The following ARHGAP5 variants were observed in gnomAD, a reference collection of about 807,000 sequenced individuals.
ARHGAP5 encodes rho GTPase-activating protein 5.
In ARHGAP5, 23 loss-of-function variants were observed where a neutral mutation model predicts 116.6. The ratio of observed to expected loss-of-function variants is 0.20; its 90% confidence interval spans 0.14 to 0.28. ARHGAP5 has a LOEUF of 0.28. Ranked by LOEUF, ARHGAP5 falls within the 10% of genes least tolerant of loss-of-function variation. The pLI, the probability that ARHGAP5 is intolerant of heterozygous loss-of-function variation, is 1.00. For missense variants in ARHGAP5, 1,405 were observed against 1,774.8 expected (o/e 0.79, Z 3.74); for synonymous variants, 574 against 602.0 (o/e 0.95, Z 0.68).
chr14:32,096,443 C>G (rs1158996306), intron 2 of ARHGAP5, among the ~76,000 whole-genome samples: 3 of 152,024 alleles, frequency 2.0e-5, no homozygotes, highest in Admixed American at 6.5e-5. Flanking sequence ...AGACAAACCT[C>G]TGGTAATAGT....
At chr14:32,127,130 T>C (rs1056776856) in intron 3 of ARHGAP5, among the ~76,000 whole-genome samples, 17 of 151,920 alleles carry the variant, frequency 1.1e-4, no homozygotes, top group African/African-American at 4.1e-4. Context: ...CCCAAGTAGC[T>C]GGGACCACAG....
Position 32,093,242 on chromosome 14 carries a change from A to T in ARHGAP5, c.2573A>T (p.Lys858Ile), listed in dbSNP as rs1239145458. Residue 858 changes from lysine to isoleucine, a missense_variant, in exon 2 of 7, where the codon AAA (lysine) becomes ATA (isoleucine). Around this residue, in one of 6 missense-constraint regions of ARHGAP5, gnomAD observed 944 missense variants for 1,095.3 expected, o/e 0.86. Coordinates refer to ENST00000345122, the MANE Select transcript of ARHGAP5 (RefSeq NM_001030055.2). ...VHGYILVYSAKRKASMGMLRA... is the reference protein window; with the variant it reads ...VHGYILVYSAIRKASMGMLRA... ...GGGTATATATTAGTTTACTCTGCAAAACGGAAAGCTTCGATGGGAATGCTT... is the reference window on the plus strand; with the variant it reads ...GGGTATATATTAGTTTACTCTGCAATACGGAAAGCTTCGATGGGAATGCTT... 1 of 1,613,854 alleles carries T rather than the reference A, an allele frequency of 6.2e-7. No individual in the cohort carries two copies. Among genetic ancestry groups the T allele is most frequent in the Admixed American group, 1.7e-5 (1 of 59,990 alleles).
chr14:32,092,416 C>T lies in ARHGAP5; in HGVS notation c.1747C>T (p.Arg583Cys), dbSNP rs146911446. The T allele has an allele frequency of 1.4e-5, 22 of 1,613,366 alleles. No homozygotes were observed. Among genetic ancestry groups the T allele is most frequent in the South Asian group, 1.1e-4 (10 of 90,952 alleles). Residue 583 changes from arginine to cysteine, a missense_variant, in exon 2 of 7, where the codon CGC becomes TGC. Physicochemically the swap from Arg to Cys is radical, Grantham distance 180. Around this residue, in one of 6 missense-constraint regions of ARHGAP5, gnomAD observed 944 missense variants for 1,095.3 expected, o/e 0.86. Coordinates refer to ENST00000345122, the MANE Select transcript of ARHGAP5 (RefSeq NM_001030055.2). This position sits in a 1 kb window ranked among gnomAD's most constrained non-coding sequence, Gnocchi z 4.1. ...ASSLLQLDHG[R>C]LRLYHDSTNI... ...TAGTCTTTTACAGTTGGATCATGGC[C>T]GCTTAAGATTATATCACGATAGTAC...
Position 32,093,864 on chromosome 14 carries a change from T to C in ARHGAP5, c.3195T>C (p.Gly1065=). The change falls in exon 2 of 7, where the codon GGT becomes GGC. Residue 1065 remains glycine, a synonymous_variant. Coordinates refer to ENST00000345122, the MANE Select transcript of ARHGAP5 (RefSeq NM_001030055.2). ...DPNLLKTIEA[G]IGKNPRKQTS... is the part of the protein sequence containing the mutation. The stretch of plus-strand genomic sequence containing the variant: ...ACCTTTTAAAAACAATTGAAGCTGG[T>C]ATTGGTAAAAATCCAAGAAAGCAGA... The C allele has an allele frequency of 1.9e-6, 3 of 1,614,024 alleles. No individual in the cohort carries two copies. Among genetic ancestry groups the C allele is most frequent in the Non-Finnish European group, 2.5e-6 (3 of 1,179,986 alleles).
chr14:32,086,957 T>C (rs932916627), intron 1 of ARHGAP5, among the ~76,000 whole-genome samples: 1 of 152,174 alleles, frequency 6.6e-6, no homozygotes, highest in Non-Finnish European at 1.5e-5. Flanking sequence ...TCTAACCTTA[T>C]AATTTCTAGT....
At chr14:32,121,124 C>T (rs1007038862) in intron 3 of ARHGAP5, among the ~76,000 whole-genome samples, 1 of 146,944 alleles carries the variant, frequency 6.8e-6, no homozygotes, top group Non-Finnish European at 1.5e-5. Context: ...CTCAGGCAAT[C>T]CTCCCACCTC....
intron 2 of ARHGAP5, among the ~76,000 whole-genome samples, chr14:32,115,903 G>C (rs1267637153): frequency 1.1e-4 from 16 of 151,806 alleles, no homozygotes. Flanking sequence ...GCTGAGGCAG[G>C]AGACTTGCTT....
In ARHGAP5 at chr14:32,091,702, G is replaced by T. The variant is rs763846928; in HGVS notation, c.1033G>T (p.Ala345Ser). Residue 345 changes from alanine (A) to serine (S), a missense_variant, in exon 2 of 7, where the codon GCT becomes TCT. Physicochemically the swap from Ala to Ser is moderately conservative, Grantham distance 99 (BLOSUM62 1). Coordinates refer to ENST00000345122, the MANE Select transcript of ARHGAP5 (RefSeq NM_001030055.2). ...AGAGTATATAAATACTTTACCAAGAGCTTTTAACACTCTTTTGCCAAATCT... is the reference window on the plus strand; with the variant it reads ...AGAGTATATAAATACTTTACCAAGATCTTTTAACACTCTTTTGCCAAATCT... Reference protein sequence around the residue: ...REEYINTLPRAFNTLLPNLEE... With the variant: ...REEYINTLPRSFNTLLPNLEE... 12 of 1,610,620 alleles carry T rather than the reference G, an allele frequency of 7.5e-6. No individual in the cohort carries two copies. The South Asian group carries it at 1.3e-4, about 18-fold the overall frequency.
At chr14:32,145,283 T>C (rs1318606386) in intron 3 of ARHGAP5, among the ~76,000 whole-genome samples, 1 of 152,200 alleles carries the variant, frequency 6.6e-6, no homozygotes, top group Non-Finnish European at 1.5e-5. Context: ...GAACTCCTTG[T>C]TACTGATTGG....
intron 6 of ARHGAP5, among the ~76,000 whole-genome samples, chr14:32,153,108 G>T (rs868579868): frequency 1.4e-5 from 2 of 146,606 alleles, no homozygotes; most frequent in Non-Finnish European, 3.0e-5. Context: ...CATTTCAGCT[G>T]GTACCTCCTA....
chr14:32,095,866 T>C (rs1878501642), intron 2 of ARHGAP5, among the ~76,000 whole-genome samples: 1 of 152,256 alleles, frequency 6.6e-6, no homozygotes, highest in Non-Finnish European at 1.5e-5. Flanking sequence ...TATTGGTTTA[T>C]ATTACTAAAA....
chr14:32,134,618 A>T (rs1436431026), intron 3 of ARHGAP5, among the ~76,000 whole-genome samples: 1 of 152,180 alleles, frequency 6.6e-6, no homozygotes, highest in Non-Finnish European at 1.5e-5. Flanking sequence ...ATTGAACTAT[A>T]CAGTATCAGG....
chr14:32,078,693 T>G (rs2041740534), intron 1 of ARHGAP5, among the ~76,000 whole-genome samples: 1 of 152,220 alleles, frequency 6.6e-6, no homozygotes, highest in East Asian at 1.9e-4. Context: ...TTTATCCGCA[T>G]GAAGGATCTC....
In ARHGAP5 at chr14:32,092,434, G is replaced by A. The variant is rs771017864; in HGVS notation, c.1765G>A (p.Asp589Asn). 5 of 1,613,782 alleles carry A rather than the reference G, an allele frequency of 3.1e-6. No homozygotes were observed. The highest frequency in any genetic ancestry group is 1.3e-5 in the African/African-American group (1 of 75,024). The change falls in exon 2 of 7, where the codon GAT becomes AAT. Residue 589 changes from aspartate (D) to asparagine (N), a missense_variant. Physicochemically the swap from Asp to Asn is conservative, Grantham distance 23. This residue lies in a region of ARHGAP5 where 944 missense variants were observed against 1,095.3 expected (regional missense o/e 0.86). Coordinates refer to ENST00000345122, the MANE Select transcript of ARHGAP5 (RefSeq NM_001030055.2). This position sits in a 1 kb window ranked among gnomAD's most constrained non-coding sequence, Gnocchi z 4.1. ...TCATGGCCGCTTAAGATTATATCAC[G>A]ATAGTACCAATATAGATAAAGTTAA... ...LDHGRLRLYH[D>N]STNIDKVNLF...
rs1453659009 is a variant in ARHGAP5 at position 32,093,407 on chromosome 14, C to G, written c.2738C>G (p.Ala913Gly). 6.8e-6 allele frequency: 11 copies of G among 1,613,858 alleles called. No homozygotes were observed. Among genetic ancestry groups the G allele is most frequent in the Non-Finnish European group, 9.3e-6 (11 of 1,179,892 alleles). ...GAACACATTGCAACTGAGATCACTGCTAAATTTACAGCACTGTATTCTTTA... is the reference window on the plus strand; with the variant it reads ...GAACACATTGCAACTGAGATCACTGGTAAATTTACAGCACTGTATTCTTTA... Reference protein sequence around the residue: ...EGEHIATEITAKFTALYSLSQ... With the variant: ...EGEHIATEITGKFTALYSLSQ... Residue 913 changes from alanine to glycine, a missense_variant, in exon 2 of 7, where the codon GCT becomes GGT. Physicochemically the swap from Ala to Gly is moderately conservative, Grantham distance 60. Transcript: ENST00000345122.
chr14:32,125,917 A>G (rs1880130726), intron 3 of ARHGAP5, among the ~76,000 whole-genome samples: 1 of 151,900 alleles, frequency 6.6e-6, no homozygotes, highest in African/African-American at 2.4e-5. Flanking sequence ...ATGTTTATGG[A>G]TGTTTATGGT....
chr14:32,133,830 A>G (rs961868227), intron 3 of ARHGAP5, among the ~76,000 whole-genome samples: 34 of 152,276 alleles, frequency 2.2e-4, no homozygotes, highest in Admixed American at 2.0e-3. Context: ...TTCTGCATCT[A>G]TTGAGATAAT....
At chr14:32,124,351 A>T (rs558868019) in intron 3 of ARHGAP5, among the ~76,000 whole-genome samples, 3 of 152,174 alleles carry the variant, frequency 2.0e-5, no homozygotes, top group Admixed American at 6.5e-5. Flanking sequence ...TTTCCACAGC[A>T]GTTAACCAGG....
At chr14:32,149,790 A>T (rs931167933) in intron 4 of ARHGAP5, 112 bp from the exon 5 acceptor site, 1 of 589,772 alleles carries the variant, frequency 1.7e-6, no homozygotes, top group Non-Finnish European at 2.5e-6. Context: ...AAAAAGAAAA[A>T]GAAAAGTGGC....
Sources: gnomAD v4.1 joint callset for allele counts (sites outside exome capture counted in the v4.1 genomes callset) on GRCh38, gnomAD v4.1.1 for gene constraint, gnomAD v4.1.1 regional missense constraint, Gnocchi (gnomAD v3.1) non-coding constraint, MANE v1.5 for transcripts, NCBI Gene and HGNC (gene_info 2026-07-23, HGNC 2026-07-21) for gene names.